The following SLC38A9 variants were observed in gnomAD, a reference collection of about 807,000 sequenced individuals.
The protein encoded by SLC38A9 is solute carrier family 38 member 9, also known as neutral amino acid transporter 9.
SLC38A9 carries 48 observed loss-of-function variants against 62.3 expected under a neutral mutation model. The observed-to-expected ratio is 0.77, with a 90% CI of 0.61 to 0.98. The LOEUF (loss-of-function observed/expected upper bound fraction) is 0.98, where lower values mean the gene tolerates loss of function less well. SLC38A9 is among the 50% of genes least tolerant of loss of function. The pLI, the probability that SLC38A9 is intolerant of heterozygous loss-of-function variation, is 0.00. For synonymous variants in SLC38A9, 204 were observed against 227.7 expected (o/e 0.90, Z 0.94); for missense variants, 541 against 679.8 (o/e 0.80, Z 2.27).
At chr5:55,699,252 T>C (rs553850216) in intron 2 of SLC38A9, among the ~76,000 whole-genome samples, 1 of 152,218 alleles carries the variant, frequency 6.6e-6, no homozygotes, top group Admixed American at 6.5e-5. Context: ...TAGACTCATC[T>C]CAAAAAAATA....
At chr5:55,691,515 C>T (rs966591273) in intron 3 of SLC38A9, among the ~76,000 whole-genome samples, 1 of 152,172 alleles carries the variant, frequency 6.6e-6, no homozygotes, top group African/African-American at 2.4e-5. Context: ...AACAAATTAA[C>T]TATTTCACAA....
intron 2 of SLC38A9, among the ~76,000 whole-genome samples, chr5:55,698,989 C>G (rs946113528): frequency 2.0e-5 from 3 of 151,920 alleles, no homozygotes; most frequent in Admixed American, 2.0e-4. Context: ...AGTGGTGGCT[C>G]ACGTCTATAA....
At chr5:55,671,577 T>C (rs1457205249) in intron 4 of SLC38A9, among the ~76,000 whole-genome samples, 2 of 151,486 alleles carry the variant, frequency 1.3e-5, no homozygotes, top group Non-Finnish European at 2.9e-5. Context: ...CCCAGCACTT[T>C]GGGAGCACAG....
At chr5:55,629,706 A>T (rs962436832) in intron 14 of SLC38A9, among the ~76,000 whole-genome samples, 5 of 151,374 alleles carry the variant, frequency 3.3e-5, no homozygotes, top group African/African-American at 1.2e-4. Context: ...AATGAATTAT[A>T]TAAGCTTGTC....
chr5:55,677,686 C>A (rs7736796), intron 3 of SLC38A9, among the ~76,000 whole-genome samples: 1 of 151,208 alleles, frequency 6.6e-6, no homozygotes, highest in African/African-American at 2.4e-5. Context: ...TGTGCACCAC[C>A]GTGCCCAGCT....
chr5:55,659,522 T>G (rs11749548), intron 8 of SLC38A9, among the ~76,000 whole-genome samples: 90,456 of 151,086 alleles, frequency 0.6, 27,636 homozygotes, highest in South Asian at 0.7. Flanking sequence ...TGAGTAGCAG[T>G]GATTACAGGT....
chr5:55,709,808 T>C (rs1422224086), intron 2 of SLC38A9, among the ~76,000 whole-genome samples: 2 of 151,962 alleles, frequency 1.3e-5, no homozygotes, highest in Admixed American at 1.3e-4. Context: ...GGCACACGCC[T>C]GTAATCCCAG....
intron 3 of SLC38A9, among the ~76,000 whole-genome samples, chr5:55,685,163 A>G (rs577740537): frequency 4.4e-4 from 67 of 152,266 alleles, no homozygotes; most frequent in African/African-American, 1.4e-3. Flanking sequence ...GGTCAGCCCA[A>G]ATTCCTTAAT....
intron 3 of SLC38A9, 83 bp downstream of exon 3, chr5:55,697,763 T>G: frequency 1.6e-6 from 1 of 629,944 alleles, no homozygotes; most frequent in Non-Finnish European, 2.6e-6. Flanking sequence ...TATAATCAAA[T>G]CTATACATGT....
chr5:55,646,616 A>T (rs1300834946), intron 11 of SLC38A9, among the ~76,000 whole-genome samples: 2 of 152,152 alleles, frequency 1.3e-5, no homozygotes, highest in Non-Finnish European at 2.9e-5. Context: ...ATTAGAAATA[A>T]GTGTCCACCT....
chr5:55,694,719 C>G (rs1362416006), intron 3 of SLC38A9, among the ~76,000 whole-genome samples: 1 of 144,494 alleles, frequency 6.9e-6, no homozygotes. Flanking sequence ...CCCCTCCCCT[C>G]CCCTCCGCTC....
rs1008439085 is a variant in SLC38A9 at position 55,699,037 on chromosome 5, T to G, written c.-34-1045A>C. On this transcript the variant is annotated intron_variant, in intron 2 of 15. Coordinates refer to ENST00000396865, the MANE Select transcript of SLC38A9 (RefSeq NM_173514.4). ...GGGAAGCAGAGGTGGGTGGATCACT[T>G]GAGGTCAGGAGTTTAAAACCAGCCT... 8.6e-5 allele frequency among the ~76,000 whole-genome samples: 13 copies of G among 152,046 alleles called. No homozygotes were observed. The East Asian group carries it at 2.5e-3, about 29-fold the overall frequency.
At chr5:55,704,993 A>G (rs1347509921) in intron 2 of SLC38A9, among the ~76,000 whole-genome samples, 2 of 152,222 alleles carry the variant, frequency 1.3e-5, no homozygotes, top group Non-Finnish European at 2.9e-5. Flanking sequence ...AAACATAGCT[A>G]TCACTTTTAT....
At chr5:55,672,819 C>T in intron 3 of SLC38A9, 124 bp from the exon 4 acceptor site, 2 of 910,392 alleles carry the variant, frequency 2.2e-6, no homozygotes, top group Non-Finnish European at 1.6e-6. Flanking sequence ...GCATTGACTT[C>T]TCACTTTTGG....
intron 3 of SLC38A9, among the ~76,000 whole-genome samples, chr5:55,694,879 A>G (rs1448772164): frequency 6.6e-6 from 1 of 151,960 alleles, no homozygotes; most frequent in Non-Finnish European, 1.5e-5. Flanking sequence ...CAGTCTCCCA[A>G]ATAGCTGGGA....
intron 15 of SLC38A9, among the ~76,000 whole-genome samples, chr5:55,627,160 A>C (rs960364158): frequency 6.6e-6 from 1 of 152,152 alleles, no homozygotes; most frequent in Non-Finnish European, 1.5e-5. Flanking sequence ...CCTTTTCTCT[A>C]TACTTGGGTT....
intron 14 of SLC38A9, among the ~76,000 whole-genome samples, chr5:55,628,208 C>T (rs545117698): frequency 1.5e-4 from 23 of 152,202 alleles, no homozygotes; most frequent in Middle Eastern, 6.8e-3. Context: ...TGTAGAAGTA[C>T]ACTGGTAGTG....
intron 3 of SLC38A9, among the ~76,000 whole-genome samples, chr5:55,685,626 T>C (rs1753678366): frequency 6.6e-6 from 1 of 152,218 alleles, no homozygotes; most frequent in South Asian, 2.1e-4. Flanking sequence ...GCTGTACATT[T>C]TTTTTTTAAC....
chr5:55,689,118 T>C (rs192349655), intron 3 of SLC38A9, among the ~76,000 whole-genome samples: 21 of 152,288 alleles, frequency 1.4e-4, no homozygotes, highest in African/African-American at 4.6e-4. Context: ...AGTGATAATA[T>C]ACCAAGATAA....
Sources: allele counts gnomAD v4.1 joint callset (sites outside exome capture counted in the v4.1 genomes callset), GRCh38; gene constraint gnomAD v4.1.1; transcripts MANE v1.5; gene names NCBI Gene and HGNC (gene_info 2026-07-23, HGNC 2026-07-21).